The following GOLGA5 variants were observed in gnomAD, a reference collection of about 807,000 sequenced individuals.
The protein encoded by GOLGA5 is golgin A5.
GOLGA5 carries 50 observed loss-of-function variants against 93.5 expected under a neutral mutation model. The ratio of observed to expected loss-of-function variants is 0.53; its 90% CI spans 0.43 to 0.68. GOLGA5 has a LOEUF of 0.68. Ranked by LOEUF, GOLGA5 falls within the 30% of genes least tolerant of loss-of-function variation. The pLI, the probability that GOLGA5 is intolerant of heterozygous loss-of-function variation, is 0.00. For missense variants in GOLGA5, 760 were observed against 856.4 expected (o/e 0.89, Z 1.40); for synonymous variants, 312 against 304.5 (o/e 1.02, Z -0.26).
intron 9 of GOLGA5, among the ~76,000 whole-genome samples, chr14:92,832,071 T>C (rs958040197): frequency 6.6e-6 from 1 of 152,150 alleles, no homozygotes; most frequent in Non-Finnish European, 1.5e-5. Flanking sequence ...GGAGGCAAAA[T>C]TGACTCCCAT....
chr14:92,835,365 T>G (rs1885618535), intron 10 of GOLGA5, among the ~76,000 whole-genome samples, 194 bp from the exon 11 acceptor site: 1 of 152,234 alleles, frequency 6.6e-6, no homozygotes, highest in Admixed American at 6.5e-5. Flanking sequence ...TTTTTCTTGT[T>G]GTGGATATGG....
chr14:92,797,063 T>C (rs1566951125), intron 1 of GOLGA5, among the ~76,000 whole-genome samples: 1 of 144,854 alleles, frequency 6.9e-6, no homozygotes, highest in Non-Finnish European at 1.5e-5. Context: ...GAAATAGTAA[T>C]AATAAATAAT....
chr14:92,803,398 T>C (rs1884915868), intron 2 of GOLGA5, among the ~76,000 whole-genome samples: 1 of 152,252 alleles, frequency 6.6e-6, no homozygotes, highest in Non-Finnish European at 1.5e-5. Flanking sequence ...ATTACAGTTA[T>C]ATTAGCCTTA....
chr14:92,809,152 C>G, intron 3 of GOLGA5, 148 bp from the exon 4 acceptor site: 2 of 608,430 alleles, frequency 3.3e-6, no homozygotes, highest in South Asian at 4.2e-5. Flanking sequence ...AGTGGATGAC[C>G]CTTTGGGGCA....
intron 11 of GOLGA5, among the ~76,000 whole-genome samples, chr14:92,836,140 TTATG>T (rs995780855): frequency 1.2e-4 from 18 of 152,210 alleles, no homozygotes; most frequent in African/African-American, 3.4e-4. Context: ...AAATTTATGT[TTATG>T]TATATGTAAA....
At chr14:92,817,517 C>T (rs1321866611) in intron 7 of GOLGA5, among the ~76,000 whole-genome samples, 4 of 152,204 alleles carry the variant, frequency 2.6e-5, no homozygotes, top group African/African-American at 9.6e-5. Context: ...TGTATAATTA[C>T]TATATTTAAA....
At chr14:92,800,449 C>T (rs1884844790) in intron 2 of GOLGA5, among the ~76,000 whole-genome samples, 1 of 152,168 alleles carries the variant, frequency 6.6e-6, no homozygotes, top group African/African-American at 2.4e-5. Flanking sequence ...GTTGGAAACA[C>T]TGAGTGAGTT....
intron 7 of GOLGA5, among the ~76,000 whole-genome samples, chr14:92,817,642 C>T (rs1229853094): frequency 6.6e-6 from 1 of 152,124 alleles, no homozygotes; most frequent in Non-Finnish European, 1.5e-5. Context: ...GCTTCCTTTT[C>T]TTAAAAGGAA....
chr14:92,795,943 G>A (rs17128569), intron 1 of GOLGA5, among the ~76,000 whole-genome samples: 10,083 of 152,228 alleles, frequency 0.066, 400 homozygotes, highest in Middle Eastern at 0.12. Flanking sequence ...TTATTATAGA[G>A]CCCTTCTGTA....
chr14:92,806,957 C>T lies in GOLGA5; in HGVS notation c.766C>T (p.Gln256Ter), dbSNP rs1221899730. Residue 256 changes from glutamine (Q) to a stop codon, truncating the protein, a stop_gained, in exon 3 of 13, where the codon CAA (glutamine) becomes TAA (stop). Coordinates refer to ENST00000163416, the MANE Select transcript of GOLGA5 (RefSeq NM_005113.4). LOFTEE classifies it high-confidence loss of function. ...GTTACTCCAAAGATCCAAAGAGACT[C>T]AAGAAGGTAGAGGCTTAAATTGTTC... ...ASLLQRSKET[Q>*]EELNKARARV... The T allele has an allele frequency of 6.3e-7, 1 of 1,578,842 alleles. No homozygotes were observed. The highest frequency in any genetic ancestry group is 8.7e-7 in the Non-Finnish European group (1 of 1,147,776).
chr14:92,838,609 G>A (rs1174033715), intron 12 of GOLGA5, among the ~76,000 whole-genome samples: 1 of 152,018 alleles, frequency 6.6e-6, no homozygotes, highest in East Asian at 1.9e-4. Context: ...TGAGTAATCC[G>A]CCCTCTTCGG....
At chr14:92,815,428 A>G (rs1386673741) in intron 6 of GOLGA5, among the ~76,000 whole-genome samples, 1 of 152,226 alleles carries the variant, frequency 6.6e-6, no homozygotes, top group Non-Finnish European at 1.5e-5. Flanking sequence ...TTTGTAAGGC[A>G]GAGGGTACTA....
At chr14:92,815,727 G>T (rs1336821060) in intron 6 of GOLGA5, among the ~76,000 whole-genome samples, 5 of 143,284 alleles carry the variant, frequency 3.5e-5, no homozygotes, top group African/African-American at 5.2e-5. Context: ...TTTTTTAGAC[G>T]GAGTCTGGCT....
chr14:92,816,542 G>T (rs375746952), intron 7 of GOLGA5, 121 bp downstream of exon 7: 4 of 699,878 alleles, frequency 5.7e-6, no homozygotes, highest in African/African-American at 2.2e-5. Flanking sequence ...GCTTCGCTTC[G>T]CTTCTCTTCT....
rs1401856715 is a variant in GOLGA5, at chr14:92,811,732, A to G, written c.1298A>G (p.Gln433Arg). The G allele has an allele frequency of 1.9e-6, 3 of 1,611,340 alleles. No individual in the cohort carries two copies. The highest frequency in any genetic ancestry group is 2.5e-6 in the Non-Finnish European group (3 of 1,177,848). Residue 433 changes from glutamine to arginine, a missense_variant, in exon 6 of 13, where the codon CAA becomes CGA. Coordinates refer to ENST00000163416, the MANE Select transcript of GOLGA5 (RefSeq NM_005113.4). ...AAGCAGGAATTAATTGACTACAAGC[A>G]AAAAGCTACTAGAATACTGCAAGTA... ...SSKQELIDYK[Q>R]KATRILQSKE...
chr14:92,795,362 C>A (rs2140308266), intron 1 of GOLGA5, among the ~76,000 whole-genome samples: 1 of 152,264 alleles, frequency 6.6e-6, no homozygotes, highest in African/African-American at 2.4e-5. Flanking sequence ...GGATGAGTTT[C>A]TTCTTGAGGT....
chr14:92,835,673 T>C lies in GOLGA5; in HGVS notation c.2051+9T>C. ...TCAATTGATCAGTTTAGGTAAGCAA[T>C]GCCAGTAGGGATGAGTGATGGACCA... On this transcript the variant is annotated intron_variant, in intron 11 of 12. Transcript: ENST00000163416. 1.3e-6 allele frequency: 2 copies of C among 1,532,606 alleles called. No individual in the cohort carries two copies. Among genetic ancestry groups the C allele is most frequent in the Non-Finnish European group, 1.8e-6 (2 of 1,106,092 alleles). The allele number at this position is 1,532,606 out of a possible 1,614,324, so 94.9% of individuals were successfully genotyped here.
chr14:92,813,913 AC>A (rs1009586892), intron 6 of GOLGA5, among the ~76,000 whole-genome samples: 1 of 152,040 alleles, frequency 6.6e-6, no homozygotes, highest in Non-Finnish European at 1.5e-5. Context: ...AGAATATATG[AC>A]ATGTGGAGAT....
chr14:92,838,809 T>C (rs1885700171), intron 12 of GOLGA5, among the ~76,000 whole-genome samples: 1 of 152,102 alleles, frequency 6.6e-6, no homozygotes, highest in Non-Finnish European at 1.5e-5. Context: ...CATGAGATGG[T>C]GCCCATGAGA....
Sources: gnomAD v4.1 joint callset for allele counts (sites outside exome capture counted in the v4.1 genomes callset) on GRCh38, gnomAD v4.1.1 for gene constraint, MANE v1.5 for transcripts, NCBI Gene and HGNC (gene_info 2026-07-23, HGNC 2026-07-21) for gene names.